The following FKBP5 variants were observed in gnomAD, a reference collection of about 807,000 sequenced individuals.
FKBP5 encodes peptidyl-prolyl cis-trans isomerase FKBP5.
FKBP5 carries 23 observed loss-of-function variants against 50.5 expected under a neutral mutation model. The ratio of observed to expected loss-of-function variants is 0.46; its 90% CI spans 0.33 to 0.65. FKBP5 has a LOEUF of 0.65. Among genes scored for constraint, FKBP5 ranks in the 30% least tolerant of loss-of-function variants. The pLI, the probability that FKBP5 is intolerant of heterozygous loss-of-function variation, is 0.02. For missense variants in FKBP5, 411 were observed against 553.1 expected, an observed-to-expected ratio of 0.74 and a Z score of 2.58; for synonymous variants, 176 against 190.6, an observed-to-expected ratio of 0.92 and a Z score of 0.63.
chr6:35,586,268 TC>T, intron 8 of FKBP5: 1 of 985,098 alleles, frequency 1.0e-6, no homozygotes, highest in Non-Finnish European at 1.2e-6. Context: ...AATATCACAC[TC>T]CTAGTTGCTC....
At chr6:35,685,391 T>A (rs1561894547) in intron 1 of FKBP5, among the ~76,000 whole-genome samples, 1 of 152,190 alleles carries the variant, frequency 6.6e-6, no homozygotes, top group Non-Finnish European at 1.5e-5. Flanking sequence ...TAGATTTAAT[T>A]TTCTTTATAC....
chr6:35,631,553 A>G (rs932346198), intron 3 of FKBP5, among the ~76,000 whole-genome samples: 9 of 152,192 alleles, frequency 5.9e-5, no homozygotes, highest in African/African-American at 2.2e-4. Flanking sequence ...AAAAGGGTAA[A>G]CTTTATTATA....
intron 2 of FKBP5, among the ~76,000 whole-genome samples, chr6:35,711,140 T>G (rs1228046778): frequency 6.6e-6 from 1 of 151,864 alleles, no homozygotes; most frequent in Non-Finnish European, 1.5e-5. Flanking sequence ...GGCAACATGG[T>G]GAAACTCTGT....
At chr6:35,623,470 G>A (rs1763908078) in intron 3 of FKBP5, among the ~76,000 whole-genome samples, 2 of 152,042 alleles carry the variant, frequency 1.3e-5, no homozygotes, top group Admixed American at 6.5e-5. Context: ...TGCCTACTTT[G>A]CATAAGTATA....
In FKBP5 at chr6:35,665,149, T is replaced by C. The variant is rs1765178323; in HGVS notation, c.-19-22306A>G. Among the ~76,000 whole-genome samples, 5 of 152,200 alleles carry C rather than the reference T, an allele frequency of 3.3e-5. No individual in the cohort carries two copies. The South Asian group carries it at 1.0e-3, about 31-fold the overall frequency. On this transcript the variant is annotated intron_variant, in intron 1 of 10. Coordinates refer to ENST00000357266, the MANE Select transcript of FKBP5 (RefSeq NM_004117.4). ...CCACTCATTCTGTATACACTGCTAG[T>C]GAAGCCTTTCTGACACAGCACACCC...
intron 6 of FKBP5, among the ~76,000 whole-genome samples, chr6:35,591,652 C>T (rs955369144): frequency 2.0e-5 from 3 of 151,982 alleles, no homozygotes; most frequent in African/African-American, 4.8e-5. Flanking sequence ...GTGGTACTCA[C>T]GGGAGGTATG....
chr6:35,602,826 A>G (rs1244134528), intron 5 of FKBP5, among the ~76,000 whole-genome samples: 3 of 152,150 alleles, frequency 2.0e-5, no homozygotes, highest in Non-Finnish European at 4.4e-5. Context: ...ACTGAATAAC[A>G]TTTATGCAAA....
chr6:35,609,941 C>G (rs1763438155), intron 5 of FKBP5, among the ~76,000 whole-genome samples: 1 of 152,140 alleles, frequency 6.6e-6, no homozygotes, highest in African/African-American at 2.4e-5. Flanking sequence ...TTCTGTTAGT[C>G]CATTTTAGTG....
intron 1 of FKBP5, among the ~76,000 whole-genome samples, chr6:35,683,618 G>A (rs1055452899): frequency 1.3e-4 from 19 of 145,786 alleles, no homozygotes; most frequent in Non-Finnish European, 2.1e-4. Flanking sequence ...GGCATGCACT[G>A]CCATGACTGG....
intron 5 of FKBP5, among the ~76,000 whole-genome samples, chr6:35,603,853 GCA>G (rs1763225343): frequency 1.3e-5 from 2 of 150,038 alleles, no homozygotes; most frequent in African/African-American, 4.9e-5. Flanking sequence ...CTACAGGCCC[GCA>G]CCACCATGCC....
intron 2 of FKBP5, among the ~76,000 whole-genome samples, chr6:35,694,039 A>T (rs1041222767): frequency 2.0e-5 from 3 of 151,706 alleles, no homozygotes; most frequent in Admixed American, 6.6e-5. Context: ...GAGTCTCTCT[A>T]TGCTGCCCAG....
upstream of FKBP5, among the ~76,000 whole-genome samples, chr6:35,691,531 T>C (rs1447590009): frequency 6.6e-6 from 1 of 152,080 alleles, no homozygotes. Context: ...TGTGTTGTAA[T>C]ACACCGCAGC....
upstream of FKBP5, among the ~76,000 whole-genome samples, chr6:35,691,935 C>T (rs1482372954): frequency 5.9e-5 from 9 of 152,084 alleles, no homozygotes; most frequent in African/African-American, 1.2e-4. Flanking sequence ...GCTCTGCTGC[C>T]GCCGTCTTGA....
intron 8 of FKBP5, chr6:35,582,763 T>C: frequency 1.0e-6 from 1 of 985,428 alleles, no homozygotes; most frequent in Non-Finnish European, 1.2e-6. Context: ...CTCACCAGTT[T>C]CAGGTCGGCA....
chr6:35,606,659 CAAAAAAAAAAAAAAAAAAA>C (rs61139697), intron 5 of FKBP5, among the ~76,000 whole-genome samples: 471 of 25,134 alleles, frequency 0.019, 3 homozygotes, highest in Middle Eastern at 0.14. Context: ...GACTCCGTCT[CAAAAAAAAAAAAAAAAAAA>C]AAAAAAAAAA....
chr6:35,637,496 C>G (rs1764350014), intron 2 of FKBP5, among the ~76,000 whole-genome samples: 1 of 143,146 alleles, frequency 7.0e-6, no homozygotes, highest in African/African-American at 2.6e-5. Context: ...CGGAGTCTTG[C>G]CCTGTCGCCC....
intron 2 of FKBP5, among the ~76,000 whole-genome samples, chr6:35,637,751 C>T (rs924385846): frequency 2.0e-5 from 3 of 152,094 alleles, no homozygotes; most frequent in African/African-American, 7.2e-5. Flanking sequence ...CATGAGCCAC[C>T]GCGCCCGACA....
intron 1 of FKBP5, among the ~76,000 whole-genome samples, chr6:35,727,494 G>T (rs1031314907): frequency 6.6e-6 from 1 of 152,296 alleles, no homozygotes; most frequent in South Asian, 2.1e-4. Context: ...TACTCCCGGC[G>T]TCGTGCCAGG....
intron 1 of FKBP5, among the ~76,000 whole-genome samples, chr6:35,676,120 T>C (rs866091593): frequency 6.6e-6 from 1 of 152,112 alleles, no homozygotes; most frequent in African/African-American, 2.4e-5. Context: ...GACGTCATAG[T>C]GTAAAGCAAA....
Sources: gnomAD v4.1 joint callset for allele counts (sites outside exome capture counted in the v4.1 genomes callset) on GRCh38, gnomAD v4.1.1 for gene constraint, MANE v1.5 for transcripts, NCBI Gene and HGNC (gene_info 2026-07-23, HGNC 2026-07-21) for gene names.